SMG9: variants seen among roughly 807,000 people sequenced by gnomAD.
SMG9 encodes SMG9 nonsense mediated mRNA decay factor.
Under a neutral mutation model 64.0 loss-of-function variants are expected in SMG9, and 55 were observed. The ratio of observed to expected loss-of-function variants is 0.86; its 90% confidence interval spans 0.69 to 1.08. SMG9 has a LOEUF of 1.08. Among genes scored for constraint, SMG9 ranks in the 50% least tolerant of loss-of-function variants. The pLI, the probability that SMG9 is intolerant of heterozygous loss-of-function variation, is 0.00. For missense variants in SMG9, 554 were observed against 681.3 expected, an observed-to-expected ratio of 0.81 and a Z score of 2.08; for synonymous variants, 244 against 254.8, an observed-to-expected ratio of 0.96 and a Z score of 0.41.
chr19:43,744,041 C>T (rs1365150362), intron 6 of SMG9, among the ~76,000 whole-genome samples: 4 of 152,148 alleles, frequency 2.6e-5, no homozygotes, highest in Non-Finnish European at 4.4e-5. Flanking sequence ...CTACATTTTT[C>T]CCTTTCCTTC....
At chr19:43,746,522 G>A (rs938339822) in intron 5 of SMG9, among the ~76,000 whole-genome samples, 1 of 152,108 alleles carries the variant, frequency 6.6e-6, no homozygotes, top group Non-Finnish European at 1.5e-5. Flanking sequence ...ATTCCAATGT[G>A]AGAGTGGACA....
rs761992761 is a variant in SMG9, at chr19:43,731,297, C to T, written c.*299G>A. ...CCTGAAAAAGGAGGTCAAGATGGAG[C>T]CCGGGCTTCCTGGTGACCATTCAGA... On this transcript the variant is annotated 3_prime_UTR_variant, in exon 14 of 14. Coordinates refer to ENST00000270066, the MANE Select transcript of SMG9 (RefSeq NM_019108.4). 30 of 1,182,578 alleles carry T rather than the reference C, an allele frequency of 2.5e-5. No individual in the cohort carries two copies. Among genetic ancestry groups the T allele is most frequent in the Non-Finnish European group, 2.7e-5 (26 of 951,628 alleles). The allele number at this position is 1,182,578 out of a possible 1,614,324, so 73.3% of individuals were successfully genotyped here.
chr19:43,731,235 G>A lies in SMG9; in HGVS notation c.*361C>T, dbSNP rs1398812973. On this transcript the variant is annotated 3_prime_UTR_variant, in exon 14 of 14. Coordinates refer to ENST00000270066, the MANE Select transcript of SMG9 (RefSeq NM_019108.4). The stretch of plus-strand genomic sequence containing the variant: ...ACCCTGCCTCACCTTACAGGGAAGG[G>A]CTTAGAGTCAGGGAAGAGGGGCCTG... The A allele has an allele frequency of 2.8e-6, 3 of 1,080,238 alleles. No individual in the cohort carries two copies. The highest frequency in any genetic ancestry group is 4.9e-5 in the Admixed American group (1 of 20,224). 66.9% of individuals were successfully genotyped at this position (1,080,238 alleles called of 1,614,324 possible).
chr19:43,745,695 C>T (rs906819006), intron 5 of SMG9, among the ~76,000 whole-genome samples: 3 of 152,088 alleles, frequency 2.0e-5, no homozygotes, highest in East Asian at 1.9e-4. Flanking sequence ...GGTGAAACTC[C>T]GTCTCTACCA....
chr19:43,753,021 A>T (rs1169316023), intron 1 of SMG9, among the ~76,000 whole-genome samples: 1 of 151,986 alleles, frequency 6.6e-6, no homozygotes, highest in African/African-American at 2.4e-5. Flanking sequence ...ATAATGACAT[A>T]AACAGGTCCC....
At position 43,731,617 on chromosome 19, in the gene SMG9, C is replaced by G. The variant is rs750266813; in HGVS notation, c.1542G>C (p.Glu514Asp). ...GGCCTCAGGCCAGCAGGCGGCTGTACTCTGCCAGAGCAGAGGACTTTCTCA... is the reference window on the plus strand; with the variant it reads ...GGCCTCAGGCCAGCAGGCGGCTGTAGTCTGCCAGAGCAGAGGACTTTCTCA... ...DGVRKSSALA[E>D]YSRLLA Residue 514 changes from glutamate to aspartate, a missense_variant, in exon 14 of 14, where the codon GAG (glutamate) becomes GAC (aspartate). Glu to Asp is a conservative substitution (Grantham distance 45). Transcript: ENST00000270066. 6.2e-7 allele frequency: 1 copy of G among 1,614,146 alleles called. No individual in the cohort carries two copies.
rs572976215 is a variant in SMG9 at position 43,738,199 on chromosome 19, T to A, written c.832A>T (p.Ile278Phe). 6.2e-7 allele frequency: 1 copy of A among 1,614,024 alleles called. No homozygotes were observed. The highest frequency in any genetic ancestry group is 2.2e-5 in the East Asian group (1 of 44,874). The change falls in exon 8 of 14, where the codon ATC (isoleucine) becomes TTC (phenylalanine). Residue 278 changes from isoleucine (I) to phenylalanine (F), a missense_variant. By Grantham distance (21) the Ile-to-Phe change is conservative. Transcript: ENST00000270066. ...TCATTATTGATGAGATGGTCTAGGA[T>A]AGAAGGGCTCAGGATGGGCTGCAGC... ...LDTQPILSPSILDHLINNDRK... is the reference protein window; with the variant it reads ...LDTQPILSPSFLDHLINNDRK...
At chr19:43,751,013 T>TG (rs571644646) in intron 1 of SMG9, among the ~76,000 whole-genome samples, 171 of 151,986 alleles carry the variant, frequency 1.1e-3, no homozygotes, top group African/African-American at 3.9e-3. Flanking sequence ...TTAGTAGAGA[T>TG]GGGGTTTCAC....
At chr19:43,746,158 G>A (rs1311701629) in intron 5 of SMG9, among the ~76,000 whole-genome samples, 2 of 152,228 alleles carry the variant, frequency 1.3e-5, no homozygotes, top group East Asian at 3.8e-4. Context: ...AGGCAACAGA[G>A]CGAGACCGTC....
chr19:43,742,332 T>C (rs1968869976), intron 6 of SMG9, among the ~76,000 whole-genome samples: 1 of 150,796 alleles, frequency 6.6e-6, no homozygotes, highest in Admixed American at 6.6e-5. Flanking sequence ...CAGCTACTCA[T>C]ATGGCCAAGG....
rs1968463521 is a variant in SMG9 at position 43,730,950 on chromosome 19, T to TTCTACACA, written c.*645_*646insTGTGTAGA. The TTCTACACA allele has an allele frequency of 5.4e-6, 1 of 185,090 alleles. No individual in the cohort carries two copies. Among genetic ancestry groups the TTCTACACA allele is most frequent in the African/African-American group, 2.4e-5 (1 of 42,046 alleles). 11.5% of individuals were successfully genotyped at this position (185,090 alleles called of 1,614,324 possible). On this transcript the variant is annotated 3_prime_UTR_variant, in exon 14 of 14. Transcript: ENST00000270066. ...GAGCAGAAGACACGAGGGTAGTTGCTGTACTCAGCTGCACCAGTGTATTTT... is the reference window on the plus strand; with the variant it reads ...GAGCAGAAGACACGAGGGTAGTTGCTTCTACACAGTACTCAGCTGCACCAGTGTATTTT...
At chr19:43,752,262 C>A (rs1289409863) in intron 1 of SMG9, among the ~76,000 whole-genome samples, 1 of 152,216 alleles carries the variant, frequency 6.6e-6, no homozygotes, top group Non-Finnish European at 1.5e-5. Flanking sequence ...GTCTGGCTAC[C>A]TATGCAACCC....
intron 6 of SMG9, among the ~76,000 whole-genome samples, chr19:43,742,464 C>T (rs139835439): frequency 1.3e-5 from 2 of 152,218 alleles, no homozygotes; most frequent in African/African-American, 4.8e-5. Flanking sequence ...TTTTTAAAAC[C>T]TGTAACCTAG....
At chr19:43,750,971 CCCA>C (rs1279859810) in intron 1 of SMG9, among the ~76,000 whole-genome samples, 3 of 151,944 alleles carry the variant, frequency 2.0e-5, no homozygotes, top group Non-Finnish European at 4.4e-5. Context: ...ATTACAGGCA[CCCA>C]CCACCATGCC....
rs1167135188 is a variant in SMG9 at position 43,731,584 on chromosome 19, C to CT, written c.*11dup. Reference sequence around the variant, plus strand: ...CCAGGAGGTCCCCTGCATGACATTCCTCTCCTTGGCCTCAGGCCAGCAGGC... The same window carrying CT: ...CCAGGAGGTCCCCTGCATGACATTCCTTCTCCTTGGCCTCAGGCCAGCAGGC... On this transcript the variant is annotated 3_prime_UTR_variant, in exon 14 of 14. Transcript: ENST00000270066. The CT allele has an allele frequency of 6.2e-7, 1 of 1,614,220 alleles. No individual in the cohort carries two copies. Among genetic ancestry groups the CT allele is most frequent in the African/African-American group, 1.3e-5 (1 of 75,074 alleles).
Position 43,748,009 on chromosome 19 carries a change from G to A in SMG9, c.194C>T (p.Pro65Leu). ...ETSTSVMQKTPIILSKPPAER... is the reference protein window; with the variant it reads ...ETSTSVMQKTLIILSKPPAER... Reference sequence around the variant, plus strand: ...TGCTGGAGGTTTTGAGAGGATGATGGGGGTTTTCTGCATGACGGAAGTGCT... The same window carrying A: ...TGCTGGAGGTTTTGAGAGGATGATGAGGGTTTTCTGCATGACGGAAGTGCT... The change falls in exon 3 of 14, where the codon CCC becomes CTC. Residue 65 changes from proline (P) to leucine (L), a missense_variant. Transcript: ENST00000270066. 8.1e-6 allele frequency: 13 copies of A among 1,613,780 alleles called. No homozygotes were observed. Among genetic ancestry groups the A allele is most frequent in the Non-Finnish European group, 1.1e-5 (13 of 1,179,846 alleles).
rs1969198224 is a variant in SMG9 at position 43,751,801 on chromosome 19, C to A, written c.-6-1054G>T. 2.6e-5 allele frequency among the ~76,000 whole-genome samples: 4 copies of A among 152,332 alleles called. No individual in the cohort carries two copies. In the South Asian group the frequency reaches 8.3e-4, roughly 32 times the overall value. ...ATGGAAGGTACAATAAAACAAGACA[C>A]AAGGTTGGGGGGTTCCACGTTAACC... is the stretch of plus-strand genomic sequence containing the variant. On this transcript the variant is annotated intron_variant, in intron 1 of 13. Transcript: ENST00000270066.
Position 43,744,551 on chromosome 19 carries a change from A to AAGGG in SMG9, c.701+217_701+220dup, listed in dbSNP as rs944556023. Among the ~76,000 whole-genome samples the AAGGG allele has an allele frequency of 2.6e-5, 4 of 151,210 alleles. No homozygotes were observed. The South Asian group carries it at 8.4e-4, about 32-fold the overall frequency. On this transcript the variant is annotated intron_variant, in intron 6 of 13. Coordinates refer to ENST00000270066, the MANE Select transcript of SMG9 (RefSeq NM_019108.4). The stretch of plus-strand genomic sequence containing the variant: ...GTACCATTTCCTGAGGCCAGGCAGG[A>AAGGG]AGGGAGGGAGGGAGGGAGGAACAGG...
At position 43,737,669 on chromosome 19, in the gene SMG9, G is replaced by A. The variant is rs1968716099; in HGVS notation, c.923C>T (p.Ala308Val). The part of the protein sequence containing the change: ...TYVEMQSLQI[A>V]AFLFTVCHVV... ...ATGGCAGACCGTGAAAAGGAAGGCAGCAATCTGGAGTGACTGAGGGTGGGC... is the reference window on the plus strand; with the variant it reads ...ATGGCAGACCGTGAAAAGGAAGGCAACAATCTGGAGTGACTGAGGGTGGGC... Residue 308 changes from alanine (A) to valine (V), a missense_variant, in exon 9 of 14, where the codon GCT (alanine) becomes GTT (valine). Coordinates refer to ENST00000270066, the MANE Select transcript of SMG9 (RefSeq NM_019108.4). 6.2e-7 allele frequency: 1 copy of A among 1,613,932 alleles called. No homozygotes were observed. Among genetic ancestry groups the A allele is most frequent in the Non-Finnish European group, 8.5e-7 (1 of 1,179,886 alleles).
Sources: allele counts gnomAD v4.1 joint callset (sites outside exome capture counted in the v4.1 genomes callset), GRCh38; gene constraint gnomAD v4.1.1; transcripts MANE v1.5; gene names NCBI Gene and HGNC (gene_info 2026-07-23, HGNC 2026-07-21).